Variants in TUSC3 observed in about 807,000 individuals in gnomAD.
TUSC3 encodes the protein tumor suppressor candidate 3.
TUSC3 carries 45 observed loss-of-function variants against 44.8 expected under a neutral mutation model. That is an observed-to-expected ratio of 1.00 (90% confidence interval 0.79 to 1.29). The LOEUF is 1.29. TUSC3 is among the 50% of genes most tolerant of loss of function. The pLI, the probability that TUSC3 is intolerant of heterozygous loss-of-function variation, is 0.00. For synonymous variants in TUSC3, 212 were observed against 152.9 expected, an observed-to-expected ratio of 1.39 and a Z score of -2.85; for missense variants, 519 against 437.9, an observed-to-expected ratio of 1.19 and a Z score of -1.65.
At chr8:15,464,325 G>C (rs1050063400) in intron 1 of TUSC3, among the ~76,000 whole-genome samples, 5 of 152,232 alleles carry the variant, frequency 3.3e-5, no homozygotes, top group Admixed American at 3.3e-4. Context: ...TGATAATTCA[G>C]GAATAACCAT....
chr8:15,831,452 A>G, the TUSC3 span, among the ~76,000 whole-genome samples: 3 of 152,128 alleles, frequency 2.0e-5, no homozygotes, highest in Non-Finnish European at 4.4e-5. Flanking sequence ...CTCGGCTGAG[A>G]TGGGTGAAAT....
At chr8:15,596,475 G>A (rs1048101676) in intron 1 of TUSC3, among the ~76,000 whole-genome samples, 9 of 152,020 alleles carry the variant, frequency 5.9e-5, no homozygotes, top group African/African-American at 1.4e-4. Context: ...TGCATGTTCC[G>A]CAAGACCAAC....
intron 1 of TUSC3, among the ~76,000 whole-genome samples, chr8:15,463,526 A>G (rs1022798900): frequency 1.3e-5 from 2 of 152,148 alleles, no homozygotes; most frequent in African/African-American, 4.8e-5. Flanking sequence ...TTAATGAGAA[A>G]GCATCTGGCA....
chr8:15,550,327 A>G (rs1802017012), intron 1 of TUSC3, among the ~76,000 whole-genome samples: 1 of 151,734 alleles, frequency 6.6e-6, no homozygotes, highest in African/African-American at 2.4e-5. Context: ...TTGGCTTTCC[A>G]TTGACAGCCA....
At chr8:15,711,872 C>T (rs1367210743) in intron 6 of TUSC3, among the ~76,000 whole-genome samples, 1 of 151,776 alleles carries the variant, frequency 6.6e-6, no homozygotes, top group Admixed American at 6.6e-5. Context: ...CTTCCTCCTC[C>T]CTGCCACCCC....
At chr8:15,831,142 C>T in the TUSC3 span, among the ~76,000 whole-genome samples, 1 of 152,272 alleles carries the variant, frequency 6.6e-6, no homozygotes, top group Non-Finnish European at 1.5e-5. Context: ...GAGCGCAAAA[C>T]AAGTCCCCCA....
chr8:15,505,682 T>C (rs28571707), intron 2 of TUSC3, among the ~76,000 whole-genome samples: 4,262 of 152,320 alleles, frequency 0.028, 147 homozygotes, highest in Admixed American at 0.096. Context: ...AGAAACTGCA[T>C]TTTTAACTGA....
chr8:15,515,789 T>G (rs369998306), intron 2 of TUSC3, among the ~76,000 whole-genome samples: 1 of 152,048 alleles, frequency 6.6e-6, no homozygotes, highest in South Asian at 2.1e-4. Flanking sequence ...TGCCTCAGCT[T>G]CCCAAGTAGC....
At chr8:15,827,010 G>A in the TUSC3 span, among the ~76,000 whole-genome samples, 5 of 152,104 alleles carry the variant, frequency 3.3e-5, no homozygotes, top group Non-Finnish European at 5.9e-5. Flanking sequence ...TATAATATAT[G>A]GTCTGCTCAT....
chr8:15,801,887 A>G, the TUSC3 span, among the ~76,000 whole-genome samples: 1 of 152,220 alleles, frequency 6.6e-6, no homozygotes, highest in Admixed American at 6.5e-5. Context: ...GGATTTTGAA[A>G]TGGGAGAGAG....
chr8:15,593,200 C>G (rs201269550), intron 1 of TUSC3, among the ~76,000 whole-genome samples: 2 of 152,130 alleles, frequency 1.3e-5, no homozygotes, highest in Admixed American at 1.3e-4. Context: ...ATTCTTCTGC[C>G]TCAGCCTCCT....
rs1409102246 is a variant in TUSC3 at position 15,549,512 on chromosome 8, T to C, written c.138+8944T>C. Reference sequence around the variant, plus strand: ...TTTTTTTGTGTGTGCCTATAATTGATTGGTAGGTGTTTTCATTTTAAAGGC... The same window carrying C: ...TTTTTTTGTGTGTGCCTATAATTGACTGGTAGGTGTTTTCATTTTAAAGGC... On this transcript the variant is annotated intron_variant, in intron 1 of 10. Coordinates refer to ENST00000503731, the MANE Select transcript of TUSC3 (RefSeq NM_006765.4). Among the ~76,000 whole-genome samples, 3 of 151,670 alleles carry C rather than the reference T, an allele frequency of 2.0e-5. 1 individual carries two copies. Among genetic ancestry groups the C allele is most frequent in the Non-Finnish European group, 4.4e-5 (3 of 67,868 alleles).
intron 2 of TUSC3, among the ~76,000 whole-genome samples, chr8:15,507,198 C>T (rs563672279): frequency 1.4e-4 from 21 of 152,288 alleles, no homozygotes; most frequent in Non-Finnish European, 2.6e-4. Flanking sequence ...CTTGGCTCTG[C>T]ATTCATTAAA....
chr8:15,672,802 T>A (rs533484481), intron 5 of TUSC3, among the ~76,000 whole-genome samples: 1 of 152,204 alleles, frequency 6.6e-6, no homozygotes, highest in South Asian at 2.1e-4. Context: ...TTTAAAAAAT[T>A]GTGCAAACTA....
At chr8:15,570,935 T>C (rs1233249223) in intron 1 of TUSC3, among the ~76,000 whole-genome samples, 2 of 149,218 alleles carry the variant, frequency 1.3e-5, no homozygotes, top group African/African-American at 4.9e-5. Flanking sequence ...AACTTTGCTT[T>C]CTATTCCATT....
chr8:15,582,076 G>C (rs1160978031), intron 1 of TUSC3, among the ~76,000 whole-genome samples: 2 of 151,976 alleles, frequency 1.3e-5, no homozygotes, highest in Admixed American at 6.6e-5. Flanking sequence ...GATTTTCCAG[G>C]TGCGTCTGTC....
At chr8:15,660,712 C>T (rs1005703788) in intron 4 of TUSC3, among the ~76,000 whole-genome samples, 1 of 151,508 alleles carries the variant, frequency 6.6e-6, no homozygotes, top group African/African-American at 2.4e-5. Context: ...AACTTATTTC[C>T]TAATTCTTAT....
At chr8:15,583,715 A>G (rs748296447) in intron 1 of TUSC3, among the ~76,000 whole-genome samples, 5 of 152,202 alleles carry the variant, frequency 3.3e-5, no homozygotes, top group African/African-American at 1.2e-4. Flanking sequence ...AAGACTGTAC[A>G]TGCCATATTT....
chr8:15,817,107 T>C, the TUSC3 span, among the ~76,000 whole-genome samples: 1 of 152,160 alleles, frequency 6.6e-6, no homozygotes, highest in Non-Finnish European at 1.5e-5. Context: ...AAAGGGACCA[T>C]CAGTCACTGC....
Sources: gnomAD v4.1 joint callset for allele counts (sites outside exome capture counted in the v4.1 genomes callset) on GRCh38, gnomAD v4.1.1 for gene constraint, MANE v1.5 for transcripts, NCBI Gene and HGNC (gene_info 2026-07-23, HGNC 2026-07-21) for gene names.